The following TENM2 variants were observed in gnomAD, a reference collection of about 807,000 sequenced individuals.
TENM2 encodes the protein teneurin-2.
TENM2 carries 52 observed loss-of-function variants against 245.2 expected under a neutral mutation model. The observed-to-expected ratio is 0.21, with a 90% CI of 0.17 to 0.27. The LOEUF (loss-of-function observed/expected upper bound fraction) is 0.27, where lower values mean the gene tolerates loss of function less well. Ranked by LOEUF, TENM2 falls within the 10% of genes least tolerant of loss-of-function variation. The pLI, the probability that TENM2 is intolerant of heterozygous loss-of-function variation, is 1.00. For missense variants in TENM2, 3,046 were observed against 3,666.8 expected (o/e 0.83, Z 4.37); for synonymous variants, 1,363 against 1,438.9 (o/e 0.95, Z 1.19).
intron 2 of TENM2, among the ~76,000 whole-genome samples, chr5:167,550,310 A>G (rs1358002761): frequency 6.6e-6 from 1 of 152,102 alleles, no homozygotes; most frequent in Admixed American, 6.5e-5. Flanking sequence ...CCCAGCATAG[A>G]TGTTATTATG....
At chr5:167,073,855 C>A in the TENM2 span, among the ~76,000 whole-genome samples, 1 of 152,144 alleles carries the variant, frequency 6.6e-6, no homozygotes, top group Admixed American at 6.5e-5. Flanking sequence ...AATCATTAAG[C>A]TTTTCTCATG....
intron 15 of TENM2, among the ~76,000 whole-genome samples, chr5:168,198,134 G>GAAGCAGCCTAAAAGATACGGT (rs1761615015): frequency 6.6e-6 from 1 of 151,256 alleles, no homozygotes; most frequent in Admixed American, 6.6e-5. Flanking sequence ...TTATAGCAGG[G>GAAGCAGCCTAAAAGATACGGT]AAGCAGCCTA....
the TENM2 span, among the ~76,000 whole-genome samples, chr5:167,105,335 A>C: frequency 1.3e-5 from 2 of 152,172 alleles, no homozygotes; most frequent in African/African-American, 4.8e-5. Flanking sequence ...CCATTACTGA[A>C]AGAGTTAATT....
chr5:167,100,403 C>T, the TENM2 span, among the ~76,000 whole-genome samples: 8 of 152,068 alleles, frequency 5.3e-5, no homozygotes, highest in East Asian at 9.7e-4. Context: ...GCTCACTGGC[C>T]GCTGTCTTCA....
intron 13 of TENM2, 79 bp downstream of exon 15, chr5:168,162,836 G>A: frequency 6.6e-7 from 1 of 1,505,484 alleles, no homozygotes; most frequent in African/African-American, 1.4e-5. Context: ...TTTTTCTTCG[G>A]AAAGACCTCC....
chr5:167,211,969 G>T, the TENM2 span, among the ~76,000 whole-genome samples: 35 of 152,206 alleles, frequency 2.3e-4, 1 homozygote, highest in Non-Finnish European at 4.4e-5. Context: ...AAAACTGAGG[G>T]TATAGAAGTT....
intron 2 of TENM2, among the ~76,000 whole-genome samples, chr5:167,803,686 C>G (rs893044450): frequency 6.6e-6 from 1 of 152,008 alleles, no homozygotes; most frequent in African/African-American, 2.4e-5. Flanking sequence ...TCCCTCCTTT[C>G]TTTCCTCCTT....
intron 9 of TENM2, among the ~76,000 whole-genome samples, chr5:168,115,243 A>AGATC (rs1181742520): frequency 6.6e-6 from 1 of 151,738 alleles, no homozygotes; most frequent in Non-Finnish European, 1.5e-5. Context: ...CAGTGAGCCA[A>AGATC]GATCATGCCA....
chr5:168,087,318 A>G (rs1036419036), intron 7 of TENM2: 3 of 152,160 alleles, frequency 2.0e-5, no homozygotes. Context: ...GTCCTATAAG[A>G]AATTATCTTG....
intron 10 of TENM2, among the ~76,000 whole-genome samples, chr5:168,120,714 G>A (rs554345588): frequency 1.4e-4 from 22 of 152,172 alleles, no homozygotes; most frequent in Non-Finnish European, 2.9e-4. Flanking sequence ...TTCATATGCT[G>A]TTTTCAAAAT....
chr5:167,837,804 G>GT (rs55864098), intron 2 of TENM2, among the ~76,000 whole-genome samples: 13,632 of 147,514 alleles, frequency 0.092, 792 homozygotes, highest in African/African-American at 0.16. Flanking sequence ...AAAGGGCTTG[G>GT]TTTTTTTTTT....
At chr5:167,691,848 T>C (rs1010241791) in intron 2 of TENM2, among the ~76,000 whole-genome samples, 1 of 152,126 alleles carries the variant, frequency 6.6e-6, no homozygotes, top group African/African-American at 2.4e-5. Context: ...GTTGGGGGCA[T>C]AGCCCTGGTC....
the TENM2 span, among the ~76,000 whole-genome samples, chr5:167,107,324 AAAAG>A: frequency 0.04 from 6,091 of 151,906 alleles, 383 homozygotes; most frequent in African/African-American, 0.14. Flanking sequence ...GAAAGAAAGA[AAAAG>A]AAAGAAAGAA....
the TENM2 span, among the ~76,000 whole-genome samples, chr5:167,033,483 A>G: frequency 6.6e-6 from 1 of 152,190 alleles, no homozygotes; most frequent in African/African-American, 2.4e-5. Flanking sequence ...GAAGTTAATT[A>G]TGACAAGCTG....
chr5:167,301,083 T>C (rs1185355396), intron 1 of TENM2, among the ~76,000 whole-genome samples: 1 of 152,064 alleles, frequency 6.6e-6, no homozygotes, highest in Admixed American at 6.5e-5. Context: ...CTTTCCACTG[T>C]GAGAGTTACC....
chr5:166,980,823 A>G, the TENM2 span, among the ~76,000 whole-genome samples: 1 of 152,230 alleles, frequency 6.6e-6, no homozygotes, highest in Non-Finnish European at 1.5e-5. Context: ...AGATGAGGAC[A>G]TCCAGTTCAG....
At chr5:168,021,651 T>A (rs1786154686) in intron 5 of TENM2, among the ~76,000 whole-genome samples, 1 of 152,202 alleles carries the variant, frequency 6.6e-6, no homozygotes, top group African/African-American at 2.4e-5. Flanking sequence ...TGGCTCCCCC[T>A]GTTACAGTGC....
At chr5:167,395,042 T>C (rs1389144880) in intron 2 of TENM2, among the ~76,000 whole-genome samples, 1 of 152,176 alleles carries the variant, frequency 6.6e-6, no homozygotes, top group African/African-American at 2.4e-5. Flanking sequence ...ATTGGAATTT[T>C]GGTAGGGATT....
At chr5:167,167,402 G>A in the TENM2 span, among the ~76,000 whole-genome samples, 6 of 152,128 alleles carry the variant, frequency 3.9e-5, no homozygotes, top group South Asian at 2.1e-4. Context: ...CAAACACGTC[G>A]CAGCATCAAT....
Sources: gnomAD v4.1 joint callset for allele counts (sites outside exome capture counted in the v4.1 genomes callset) on GRCh38, gnomAD v4.1.1 for gene constraint, MANE v1.5 for transcripts, NCBI Gene and HGNC (gene_info 2026-07-23, HGNC 2026-07-21) for gene names.